Variants in VSTM4 observed in about 807,000 individuals in gnomAD.
VSTM4 encodes the protein V-set and transmembrane domain containing 4.
Under a neutral mutation model 36.4 loss-of-function variants are expected in VSTM4, and 20 were observed. That is an observed-to-expected ratio of 0.55 (90% CI 0.39 to 0.80). The LOEUF (loss-of-function observed/expected upper bound fraction) is 0.80. VSTM4 is among the 30% of genes least tolerant of loss of function. VSTM4 has a pLI of 0.00. For missense variants in VSTM4, 392 were observed against 404.5 expected, an observed-to-expected ratio of 0.97 and a Z score of 0.26; for synonymous variants, 182 against 173.9, an observed-to-expected ratio of 1.05 and a Z score of -0.37.
chr10:49,107,443 T>C, intron 2 of VSTM4, 151 bp downstream of exon 2: 1 of 977,782 alleles, frequency 1.0e-6, no homozygotes, highest in Non-Finnish European at 1.5e-6. Flanking sequence ...CCTCACCCCA[T>C]GGCATGACTC....
At chr10:49,059,409 G>A (rs138468588) in intron 5 of VSTM4, among the ~76,000 whole-genome samples, 89 of 152,298 alleles carry the variant, frequency 5.8e-4, no homozygotes, top group African/African-American at 2.0e-3. Flanking sequence ...TTTATCCCAG[G>A]GCTGAGGGGA....
At chr10:49,080,067 C>T (rs1000442488) in intron 3 of VSTM4, among the ~76,000 whole-genome samples, 2 of 152,160 alleles carry the variant, frequency 1.3e-5, no homozygotes, top group Non-Finnish European at 2.9e-5. Flanking sequence ...CAAAGTGTTT[C>T]TACCTGTTCC....
intron 4 of VSTM4, among the ~76,000 whole-genome samples, chr10:49,070,457 A>G (rs1844057213): frequency 6.6e-6 from 1 of 151,890 alleles, no homozygotes; most frequent in South Asian, 2.1e-4. Flanking sequence ...ACATATTTCT[A>G]GGGGGCATCA....
intron 2 of VSTM4, among the ~76,000 whole-genome samples, chr10:49,089,720 A>C (rs1164828747): frequency 6.6e-6 from 1 of 152,240 alleles, no homozygotes; most frequent in Non-Finnish European, 1.5e-5. Context: ...TACAAGAAAG[A>C]AAAATTTTTA....
intron 5 of VSTM4, among the ~76,000 whole-genome samples, chr10:49,056,241 G>T (rs774312661): frequency 2.6e-5 from 4 of 152,234 alleles, no homozygotes; most frequent in Non-Finnish European, 5.9e-5. Flanking sequence ...TTCCCTGCTG[G>T]CTTCATGAAG....
intron 5 of VSTM4, among the ~76,000 whole-genome samples, chr10:49,051,007 C>T (rs2131963186): frequency 6.6e-6 from 1 of 152,308 alleles, no homozygotes; most frequent in African/African-American, 2.4e-5. Flanking sequence ...ACATCCTGCA[C>T]TAGAGTAGGG....
At chr10:49,056,811 C>T (rs1279986011) in intron 5 of VSTM4, among the ~76,000 whole-genome samples, 3 of 152,188 alleles carry the variant, frequency 2.0e-5, no homozygotes, top group Non-Finnish European at 4.4e-5. Context: ...TATATTAGTT[C>T]ATTTGTGTTG....
chr10:49,085,291 G>A (rs1453620195), intron 3 of VSTM4, among the ~76,000 whole-genome samples: 1 of 152,252 alleles, frequency 6.6e-6, no homozygotes, highest in Non-Finnish European at 1.5e-5. Context: ...ATCATCTGGG[G>A]AGCTTTTAAC....
At chr10:49,068,954 T>A (rs1165376274) in intron 4 of VSTM4, among the ~76,000 whole-genome samples, 3 of 152,162 alleles carry the variant, frequency 2.0e-5, no homozygotes, top group African/African-American at 7.2e-5. Flanking sequence ...TTGAAGACTC[T>A]GAAAGGAAGG....
chr10:49,048,831 T>G (rs569061067), intron 5 of VSTM4, among the ~76,000 whole-genome samples: 39 of 152,310 alleles, frequency 2.6e-4, no homozygotes, highest in Non-Finnish European at 4.9e-4. Context: ...TTATAATGAA[T>G]GTGCTGTTTA....
At chr10:49,110,536 T>C (rs1337430848) in intron 1 of VSTM4, among the ~76,000 whole-genome samples, 3 of 152,198 alleles carry the variant, frequency 2.0e-5, no homozygotes, top group Non-Finnish European at 2.9e-5. Flanking sequence ...ATGGGTTGAA[T>C]TGTGTCCTCC....
intron 1 of VSTM4, among the ~76,000 whole-genome samples, chr10:49,115,138 C>T (rs1047050203): frequency 6.6e-6 from 1 of 152,208 alleles, no homozygotes; most frequent in African/African-American, 2.4e-5. Flanking sequence ...TGCATCTCCC[C>T]TCGGGGCCTG....
At chr10:49,103,464 A>T (rs1284377040) in intron 2 of VSTM4, 3 of 1,011,324 alleles carry the variant, frequency 3.0e-6, no homozygotes, top group Non-Finnish European at 3.6e-6. Flanking sequence ...TCTTCTTTAA[A>T]CCCTTTCAGT....
At chr10:49,090,336 A>G (rs1844449857) in intron 2 of VSTM4, among the ~76,000 whole-genome samples, 1 of 152,110 alleles carries the variant, frequency 6.6e-6, no homozygotes. Context: ...TCTTGTACCA[A>G]TTTGCTGACT....
At chr10:49,109,952 GCC>G (rs901312204) in intron 1 of VSTM4, among the ~76,000 whole-genome samples, 3 of 152,228 alleles carry the variant, frequency 2.0e-5, no homozygotes, top group Non-Finnish European at 2.9e-5. Flanking sequence ...CACTGCTGAA[GCC>G]CTGTGTGAAG....
chr10:49,102,497 C>T, intron 2 of VSTM4: 1 of 985,442 alleles, frequency 1.0e-6, no homozygotes, highest in Non-Finnish European at 1.2e-6. Flanking sequence ...AAAACAACGG[C>T]ATGACCACAT....
chr10:49,018,561 T>A lies in VSTM4; in HGVS notation c.*1089A>T. On this transcript the variant is annotated 3_prime_UTR_variant, in exon 8 of 8. Coordinates refer to ENST00000332853, the MANE Select transcript of VSTM4 (RefSeq NM_001031746.5). ...TACTCACATCAAGAAATGTCCTCAA[T>A]AACACAGTTGACAGGATGGTGCTTT... 6.6e-6 allele frequency: 1 copy of A among 152,188 alleles called. No individual in the cohort carries two copies. Among genetic ancestry groups the A allele is most frequent in the East Asian group, 1.9e-4 (1 of 5,202 alleles). 9.4% of individuals were successfully genotyped at this position (152,188 alleles called of 1,614,324 possible). A position where few individuals can be genotyped will look rare whatever the true frequency, so the allele number is the denominator to read the frequency against.
intron 3 of VSTM4, among the ~76,000 whole-genome samples, chr10:49,080,341 C>A (rs1000886945): frequency 4.6e-5 from 7 of 152,206 alleles, no homozygotes; most frequent in Admixed American, 3.9e-4. Context: ...AGAAAGGGGG[C>A]ATGAAATGGA....
In VSTM4 at chr10:49,077,133, C is replaced by A; in HGVS notation, c.634+86G>T. 2.2e-6 allele frequency: 3 copies of A among 1,361,860 alleles called. 1 individual carries two copies. The South Asian group carries it at 3.7e-5, about 17-fold the overall frequency. 84.4% of individuals were successfully genotyped at this position (1,361,860 alleles called of 1,614,324 possible). A position where few individuals can be genotyped will look rare whatever the true frequency, so the allele number is the denominator to read the frequency against. On this transcript the variant is annotated intron_variant, in intron 4 of 7. Transcript: ENST00000332853. ...CCTGACTCACAATGCACTTTTCCAC[C>A]AAGGTGGTACTTTGTCTAGCATCTT...
Sources: allele counts gnomAD v4.1 joint callset (sites outside exome capture counted in the v4.1 genomes callset), GRCh38; gene constraint gnomAD v4.1.1; transcripts MANE v1.5; gene names NCBI Gene and HGNC (gene_info 2026-07-23, HGNC 2026-07-21).